Variants in FAM117B observed in about 807,000 individuals in gnomAD.
FAM117B encodes protein FAM117B.
A neutral mutation model predicts 52.8 loss-of-function variants in FAM117B; 22 were observed. The observed-to-expected ratio is 0.42, with a 90% CI of 0.30 to 0.59. The LOEUF is 0.59. FAM117B is among the 20% of genes least tolerant of loss of function. The pLI is 0.22. For synonymous variants in FAM117B, 309 were observed against 324.1 expected, an observed-to-expected ratio of 0.95 and a Z score of 0.50; for missense variants, 678 against 802.6, an observed-to-expected ratio of 0.84 and a Z score of 1.88.
intron 1 of FAM117B, among the ~76,000 whole-genome samples, chr2:202,673,260 A>G (rs1690324884): frequency 1.3e-5 from 2 of 152,044 alleles, no homozygotes; most frequent in South Asian, 4.1e-4. Flanking sequence ...AGTGTTTACA[A>G]ACTGAAGCAG....
chr2:202,642,544 T>C (rs1048847507), intron 1 of FAM117B, among the ~76,000 whole-genome samples: 1 of 152,012 alleles, frequency 6.6e-6, no homozygotes, highest in African/African-American at 2.4e-5. Context: ...GGATGGTGGT[T>C]CTAATTGATA....
chr2:202,715,062 G>A (rs1473322370), intron 2 of FAM117B, among the ~76,000 whole-genome samples: 5 of 152,306 alleles, frequency 3.3e-5, no homozygotes, highest in South Asian at 2.1e-4. Context: ...CCTCCCAGAC[G>A]GGGTGGTGGC....
chr2:202,689,781 A>G (rs984358521), intron 1 of FAM117B, among the ~76,000 whole-genome samples: 10 of 151,958 alleles, frequency 6.6e-5, no homozygotes, highest in African/African-American at 2.4e-4. Flanking sequence ...AACTGGGTGT[A>G]GTGGTGCGTG....
intron 7 of FAM117B, among the ~76,000 whole-genome samples, chr2:202,763,111 G>C (rs536315732): frequency 6.1e-5 from 8 of 132,220 alleles, no homozygotes; most frequent in Non-Finnish European, 1.1e-4. Flanking sequence ...TCACTCTGTC[G>C]CCCAGGCTGG....
rs1219743876 is a variant in FAM117B at position 202,644,053 on chromosome 2, G to GTTTTTT, written c.601+8270_601+8275dup. Among the ~76,000 whole-genome samples, 97 of 60,098 alleles carry GTTTTTT rather than the reference G, an allele frequency of 1.6e-3. 8 individuals carry two copies. Among genetic ancestry groups the GTTTTTT allele is most frequent in the Middle Eastern group, 0.014 (1 of 72 alleles). The allele number at this position is 60,098 out of a possible 152,430, so 39.4% of individuals were successfully genotyped here. ...ATGCTATACTACTGCTTTAGGAGCTGTTTTTTTTTTGTTTTTTTTTTTTTT... is the reference window on the plus strand; with the variant it reads ...ATGCTATACTACTGCTTTAGGAGCTGTTTTTTTTTTTTTTTTGTTTTTTTTTTTTTT... On this transcript the variant is annotated intron_variant, in intron 1 of 7. Transcript: ENST00000392238.
intron 1 of FAM117B, among the ~76,000 whole-genome samples, chr2:202,693,925 A>G (rs1357851539): frequency 6.6e-6 from 1 of 152,092 alleles, no homozygotes; most frequent in Non-Finnish European, 1.5e-5. Flanking sequence ...TTTTAATGCC[A>G]CTTTGATTTG....
At position 202,766,713 on chromosome 2, in the gene FAM117B, T is replaced by C. The variant is rs1691985398; in HGVS notation, c.*949T>C. 1 of 152,246 alleles carries C rather than the reference T, an allele frequency of 6.6e-6. No individual in the cohort carries two copies. Among genetic ancestry groups the C allele is most frequent in the Non-Finnish European group, 1.5e-5 (1 of 68,054 alleles). 9.4% of individuals were successfully genotyped at this position (152,246 alleles called of 1,614,324 possible). A position where few individuals can be genotyped will look rare whatever the true frequency, so the allele number is the denominator to read the frequency against. On this transcript the variant is annotated 3_prime_UTR_variant, in exon 8 of 8. Coordinates refer to ENST00000392238, the MANE Select transcript of FAM117B (RefSeq NM_173511.4). The stretch of plus-strand genomic sequence containing the variant: ...TGATATATATATATATCACACGCTC[T>C]CCCTCCTTTACCACAGGTGTCATTC...
At chr2:202,650,274 A>C (rs1689937468) in intron 1 of FAM117B, among the ~76,000 whole-genome samples, 1 of 152,114 alleles carries the variant, frequency 6.6e-6, no homozygotes, top group South Asian at 2.1e-4. Flanking sequence ...AAAGAGTGTA[A>C]TGATGGCTGG....
intron 4 of FAM117B, 143 bp from the exon 5 acceptor site, chr2:202,755,395 A>G (rs955582277): frequency 1.2e-6 from 1 of 864,988 alleles, no homozygotes; most frequent in South Asian, 2.0e-5. Context: ...CATGCTAAGG[A>G]GCAGGTTTGG....
At chr2:202,647,520 T>G (rs1394678192) in intron 1 of FAM117B, among the ~76,000 whole-genome samples, 1 of 152,238 alleles carries the variant, frequency 6.6e-6, no homozygotes, top group Non-Finnish European at 1.5e-5. Flanking sequence ...GAAACTTTCT[T>G]CTTTGATCTT....
chr2:202,673,771 C>T (rs1016667642), intron 1 of FAM117B, among the ~76,000 whole-genome samples: 2 of 152,060 alleles, frequency 1.3e-5, no homozygotes, highest in African/African-American at 4.8e-5. Flanking sequence ...ATGGATTTTA[C>T]TTTATTTCTT....
At chr2:202,697,801 C>T (rs887258467) in intron 2 of FAM117B, among the ~76,000 whole-genome samples, 7 of 152,036 alleles carry the variant, frequency 4.6e-5, no homozygotes, top group Non-Finnish European at 8.8e-5. Context: ...CTGCCTACCT[C>T]GGCCTCCCAA....
chr2:202,635,864 G>A (rs896211218), intron 1 of FAM117B, 76 bp downstream of exon 1: 4 of 1,312,008 alleles, frequency 3.0e-6, no homozygotes, highest in African/African-American at 3.1e-5. Context: ...CAATCGCGCG[G>A]GGACTGCAGA....
chr2:202,676,375 G>GTTTTT (rs71030983), intron 1 of FAM117B, among the ~76,000 whole-genome samples: 5 of 130,934 alleles, frequency 3.8e-5, no homozygotes, highest in Non-Finnish European at 6.8e-5. Context: ...AATATTCCTT[G>GTTTTT]TTTTTTTTTT....
chr2:202,754,155 GA>G (rs1318099370), intron 4 of FAM117B, among the ~76,000 whole-genome samples: 1 of 152,156 alleles, frequency 6.6e-6, no homozygotes, highest in Non-Finnish European at 1.5e-5. Context: ...ACCAGATAAA[GA>G]AAATGTGGTA....
At chr2:202,700,007 A>G (rs773721648) in intron 2 of FAM117B, among the ~76,000 whole-genome samples, 2 of 152,232 alleles carry the variant, frequency 1.3e-5, no homozygotes, top group African/African-American at 4.8e-5. Flanking sequence ...CCATGCCTAT[A>G]TAAGACGGGG....
intron 1 of FAM117B, among the ~76,000 whole-genome samples, chr2:202,666,867 G>C (rs372409906): frequency 3.3e-5 from 5 of 151,668 alleles, no homozygotes; most frequent in African/African-American, 1.2e-4. Context: ...GGATGGTCTC[G>C]ATCTCCTGAC....
chr2:202,635,996 A>G (rs986779751), intron 1 of FAM117B, among the ~76,000 whole-genome samples: 2 of 35,976 alleles, frequency 5.6e-5, no homozygotes, highest in Non-Finnish European at 1.2e-4. Flanking sequence ...CGCCCGCCTC[A>G]TTCACCCCTC....
chr2:202,708,144 T>TG (rs1690902843), intron 2 of FAM117B, among the ~76,000 whole-genome samples: 1 of 152,192 alleles, frequency 6.6e-6, no homozygotes, highest in Non-Finnish European at 1.5e-5. Context: ...ATAAATATAA[T>TG]AGGTATGATA....
Sources: allele counts gnomAD v4.1 joint callset (sites outside exome capture counted in the v4.1 genomes callset), GRCh38; gene constraint gnomAD v4.1.1; transcripts MANE v1.5; gene names NCBI Gene and HGNC (gene_info 2026-07-23, HGNC 2026-07-21).